Variants in DLEC1 observed in about 807,000 individuals in gnomAD.
DLEC1 encodes deleted in lung and esophageal cancer protein 1.
Under a neutral mutation model 198.1 loss-of-function variants are expected in DLEC1, and 146 were observed. The observed-to-expected ratio is 0.74, with a 90% CI of 0.64 to 0.85. The LOEUF is 0.85. DLEC1 is among the 40% of genes least tolerant of loss of function. The probability of loss-of-function intolerance (pLI) is 0.00; values close to 1 mark genes in which losing one functional copy is unlikely to be tolerated. For missense variants in DLEC1, 2,233 were observed against 2,220.0 expected, an observed-to-expected ratio of 1.01 and a Z score of -0.12; for synonymous variants, 897 against 866.8, an observed-to-expected ratio of 1.03 and a Z score of -0.61.
At chr3:38,116,329 G>A in intron 27 of DLEC1, 124 bp from the exon 28 acceptor site, 2 of 877,032 alleles carry the variant, frequency 2.3e-6, no homozygotes, top group African/African-American at 1.7e-5. Context: ...AGGCAGAGAG[G>A]CACCCCCTCC....
At chr3:38,054,215 A>C (rs977365709) in intron 2 of DLEC1, among the ~76,000 whole-genome samples, 4 of 151,422 alleles carry the variant, frequency 2.6e-5, no homozygotes, top group Admixed American at 6.6e-5. Context: ...AAAACAAAAC[A>C]AAAAAACAAA....
At chr3:38,117,661 TG>T (rs766113384) in intron 32 of DLEC1, 50 bp downstream of exon 32, 1 of 1,612,520 alleles carries the variant, frequency 6.2e-7, no homozygotes, top group Non-Finnish European at 8.5e-7. Flanking sequence ...GGACCTCAGA[TG>T]TCTCTGTGTG....
At position 38,112,463 on chromosome 3, in the gene DLEC1, A is replaced by C; in HGVS notation, c.3666+102A>C. On this transcript the variant is annotated intron_variant, in intron 25 of 36. Coordinates refer to ENST00000308059, the MANE Select transcript of DLEC1 (RefSeq NM_007335.4). The surrounding 1 kb of genome is among the most constrained non-coding windows in gnomAD (Gnocchi z 4.8). Reference sequence around the variant, plus strand: ...CAACACCTGGCCCTCAGACTCTCAAACCTCACCAGGTTGAAACGCGATGCC... The same window carrying C: ...CAACACCTGGCCCTCAGACTCTCAACCCTCACCAGGTTGAAACGCGATGCC... 1 of 1,527,304 alleles carries C rather than the reference A, an allele frequency of 6.5e-7. No homozygotes were observed. Among genetic ancestry groups the C allele is most frequent in the Non-Finnish European group, 8.9e-7 (1 of 1,120,162 alleles). 94.6% of individuals were successfully genotyped at this position (1,527,304 alleles called of 1,614,324 possible).
intron 19 of DLEC1, among the ~76,000 whole-genome samples, chr3:38,102,064 C>T (rs970293469): frequency 7.2e-5 from 11 of 152,170 alleles, no homozygotes. Flanking sequence ...ACACTTTTCC[C>T]TTTGTCTGGT....
At chr3:38,085,545 C>G in intron 8 of DLEC1, 98 bp downstream of exon 8, 2 of 1,448,112 alleles carry the variant, frequency 1.4e-6, no homozygotes, top group Non-Finnish European at 1.9e-6. Flanking sequence ...CAGCACACAG[C>G]TTGGCTCTCT....
At chr3:38,099,035 C>T (rs1559446442) in intron 18 of DLEC1, among the ~76,000 whole-genome samples, 1 of 152,132 alleles carries the variant, frequency 6.6e-6, no homozygotes, top group Non-Finnish European at 1.5e-5. Context: ...CTTTAGTGTC[C>T]ACATTATGTT....
At chr3:38,116,384 G>A (rs991891325) in intron 27 of DLEC1, 69 bp from the exon 28 acceptor site, 36 of 1,534,772 alleles carry the variant, frequency 2.3e-5, no homozygotes, top group Non-Finnish European at 3.1e-5. Context: ...GGGGTATGAG[G>A]AGGAGGGGGC....
chr3:38,048,923 A>G (rs2125582846), intron 2 of DLEC1, among the ~76,000 whole-genome samples: 1 of 152,260 alleles, frequency 6.6e-6, no homozygotes, highest in South Asian at 2.1e-4. Flanking sequence ...GGTGGCCCAG[A>G]TAATGTGGAT....
intron 6 of DLEC1, among the ~76,000 whole-genome samples, chr3:38,081,756 C>T (rs1698021133): frequency 2.3e-5 from 2 of 86,790 alleles, no homozygotes; most frequent in Admixed American, 1.0e-4. Flanking sequence ...CAGAGGCGCC[C>T]CTCACCTCCC....
chr3:38,098,516 C>T (rs965254768), intron 18 of DLEC1, among the ~76,000 whole-genome samples: 4 of 152,186 alleles, frequency 2.6e-5, no homozygotes, highest in African/African-American at 9.7e-5. Flanking sequence ...CGCAGTGAGT[C>T]GTACATCACC....
intron 6 of DLEC1, among the ~76,000 whole-genome samples, chr3:38,074,192 G>A (rs955085546): frequency 6.6e-6 from 1 of 152,248 alleles, no homozygotes; most frequent in African/African-American, 2.4e-5. Context: ...TGAAGTTCTT[G>A]TATGCTGGAG....
intron 32 of DLEC1, 80 bp downstream of exon 32, chr3:38,117,691 C>A: frequency 1.2e-6 from 2 of 1,602,778 alleles, no homozygotes; most frequent in African/African-American, 1.3e-5. Flanking sequence ...GGACTCAGGC[C>A]TTATAGTCTG....
In DLEC1 at chr3:38,111,717, C is replaced by G. The variant is rs1321092472; in HGVS notation, c.3484C>G (p.Gln1162Glu). Residue 1162 changes from glutamine (Q) to glutamate (E), a missense_variant, in exon 24 of 37, where the codon CAA becomes GAA. Transcript: ENST00000308059. Reference sequence around the variant, plus strand: ...TGCCCTGCTAAAGACAGTGCGGATGCAAGAGCACCTGGCCAAGCGAGAGCA... The same window carrying G: ...TGCCCTGCTAAAGACAGTGCGGATGGAAGAGCACCTGGCCAAGCGAGAGCA... ...PPALLKTVRM[Q>E]EHLAKREQLD... 2.5e-6 allele frequency: 4 copies of G among 1,613,258 alleles called. No homozygotes were observed. Among genetic ancestry groups the G allele is most frequent in the African/African-American group, 1.3e-5 (1 of 75,036 alleles).
rs140048660 is a variant in DLEC1, at chr3:38,123,070, C to T, written c.*658C>T. The T allele has an allele frequency of 3.2e-5, 51 of 1,614,042 alleles. No individual in the cohort carries two copies. In the Middle Eastern group the frequency reaches 6.6e-4, roughly 21 times the overall value. On this transcript the variant is annotated 3_prime_UTR_variant, in exon 37 of 37. Transcript: ENST00000308059. ...ACTCAGTTCCCAGGGTATTCAAAGA[C>T]GGCAGCGGCTCCCATTCCAGTCCCG...
chr3:38,058,376 C>A (rs933242681), intron 2 of DLEC1, among the ~76,000 whole-genome samples: 2 of 152,116 alleles, frequency 1.3e-5, no homozygotes, highest in African/African-American at 4.8e-5. Flanking sequence ...CAGACATAGC[C>A]GCTTGCTCTT....
chr3:38,109,961 G>GCA, intron 22 of DLEC1, 138 bp from the exon 23 acceptor site: 2 of 986,528 alleles, frequency 2.0e-6, no homozygotes, highest in Non-Finnish European at 2.9e-6. Flanking sequence ...TCTGTGGTTG[G>GCA]CAGCTCAATG....
At position 38,107,731 on chromosome 3, in the gene DLEC1, G is replaced by C; in HGVS notation, c.3012G>C (p.Trp1004Cys). ...CGCTCCTGCCTACCCAGTTCCACTG[G>C]GGCAAGGTGAGTGAGCCCACAGCAT... Reference protein sequence around the residue: ...NGTLLPTQFHWGKLLGHQAEF... With the variant: ...NGTLLPTQFHCGKLLGHQAEF... The change falls in exon 20 of 37, where the codon TGG becomes TGC. Residue 1004 changes from tryptophan to cysteine, a missense_variant. By Grantham distance (215) the Trp-to-Cys change is radical (BLOSUM62 -2). Coordinates refer to ENST00000308059, the MANE Select transcript of DLEC1 (RefSeq NM_007335.4). 1.2e-6 allele frequency: 2 copies of C among 1,613,610 alleles called. No homozygotes were observed.
chr3:38,110,391 G>C, intron 23 of DLEC1, 110 bp downstream of exon 23: 3 of 1,326,602 alleles, frequency 2.3e-6, no homozygotes, highest in Non-Finnish European at 3.1e-6. Flanking sequence ...TGAGAGATGG[G>C]AGTGTGTGTT....
chr3:38,097,930 G>T, intron 18 of DLEC1, 28 bp downstream of exon 18: 1 of 1,613,754 alleles, frequency 6.2e-7, no homozygotes, highest in African/African-American at 1.3e-5. Flanking sequence ...GGTTCCTCTG[G>T]TGCCCCCACA....
Sources: allele counts gnomAD v4.1 joint callset (sites outside exome capture counted in the v4.1 genomes callset), GRCh38; gene constraint gnomAD v4.1.1; non-coding constraint Gnocchi (gnomAD v3.1); transcripts MANE v1.5; gene names NCBI Gene and HGNC (gene_info 2026-07-23, HGNC 2026-07-21).